Variants in SLC4A4 observed in about 807,000 individuals in gnomAD.
The protein encoded by SLC4A4 is solute carrier family 4 member 4.
SLC4A4 carries 27 observed loss-of-function variants against 111.5 expected under a neutral mutation model. The ratio of observed to expected loss-of-function variants is 0.24; its 90% CI spans 0.18 to 0.33. The LOEUF (loss-of-function observed/expected upper bound fraction) is 0.33, where lower values mean the gene tolerates loss of function less well. SLC4A4 is among the 10% of genes least tolerant of loss of function. SLC4A4 has a pLI of 1.00. For synonymous variants in SLC4A4, 443 were observed against 463.4 expected, an observed-to-expected ratio of 0.96 and a Z score of 0.57; for missense variants, 909 against 1,315.5, an observed-to-expected ratio of 0.69 and a Z score of 4.78.
At chr4:71,308,257 T>C (rs916197809) in intron 3 of SLC4A4, among the ~76,000 whole-genome samples, 2 of 152,308 alleles carry the variant, frequency 1.3e-5, no homozygotes, top group Admixed American at 1.3e-4. Flanking sequence ...GGGCTCAATA[T>C]ACATAGTAGT....
upstream of SLC4A4, among the ~76,000 whole-genome samples, chr4:71,185,109 A>G (rs1745409198): frequency 1.3e-5 from 2 of 152,218 alleles, no homozygotes; most frequent in African/African-American, 4.8e-5. Context: ...TATTTAACTT[A>G]CGTGAAGGAA....
At chr4:71,424,143 A>C (rs1722844621) in intron 7 of SLC4A4, among the ~76,000 whole-genome samples, 1 of 152,122 alleles carries the variant, frequency 6.6e-6, no homozygotes, top group South Asian at 2.1e-4. Context: ...ACAAATTTAC[A>C]AGAAAAAACA....
rs1202182615 is a variant in SLC4A4, at chr4:71,214,647, C to CA, written c.-1-21922dup. ...GATTCAATAAGGCACATGATCTGAG[C>CA]AAAAAAAGAAAGTTGGTGAAATAAT... On this transcript the variant is annotated intron_variant, in intron 1 of 25. Coordinates refer to ENST00000264485, the MANE Select transcript of SLC4A4 (RefSeq NM_001098484.3). Among the ~76,000 whole-genome samples, 3 of 151,882 alleles carry CA rather than the reference C, an allele frequency of 2.0e-5. No homozygotes were observed. The East Asian group carries it at 5.8e-4, about 29-fold the overall frequency.
chr4:71,206,787 A>C (rs184093560), intron 1 of SLC4A4, among the ~76,000 whole-genome samples: 26 of 151,732 alleles, frequency 1.7e-4, no homozygotes, highest in Admixed American at 4.6e-4. Flanking sequence ...GATGAAATTC[A>C]CATTCATTTT....
At chr4:71,279,009 A>G (rs1158541566) in intron 3 of SLC4A4, among the ~76,000 whole-genome samples, 1 of 152,210 alleles carries the variant, frequency 6.6e-6, no homozygotes, top group Non-Finnish European at 1.5e-5. Flanking sequence ...ATTAATGTAT[A>G]TACCGTGAAA....
At chr4:71,473,144 T>C (rs1301533270) in intron 14 of SLC4A4, 174 bp downstream of exon 14, 1 of 761,964 alleles carries the variant, frequency 1.3e-6, no homozygotes, top group Admixed American at 2.0e-5. Context: ...ATTTTAGCTG[T>C]ATGATTCAAC....
chr4:71,416,567 A>G (rs1483495000), intron 7 of SLC4A4, among the ~76,000 whole-genome samples: 1 of 152,174 alleles, frequency 6.6e-6, no homozygotes, highest in Non-Finnish European at 1.5e-5. Flanking sequence ...TCAATTTCTT[A>G]TTGGGCAAAT....
At chr4:71,388,611 A>G (rs1718981144) in intron 6 of SLC4A4, among the ~76,000 whole-genome samples, 1 of 152,136 alleles carries the variant, frequency 6.6e-6, no homozygotes, top group Non-Finnish European at 1.5e-5. Context: ...TGATGTGACC[A>G]TAGCCAACTG....
chr4:71,428,976 G>C (rs1463386190), intron 7 of SLC4A4, among the ~76,000 whole-genome samples: 2 of 152,090 alleles, frequency 1.3e-5, no homozygotes, highest in African/African-American at 4.8e-5. Flanking sequence ...CAAATTGTGA[G>C]TATTCCTGGT....
chr4:71,367,994 G>C (rs372017619), intron 6 of SLC4A4, among the ~76,000 whole-genome samples: 1 of 152,162 alleles, frequency 6.6e-6, no homozygotes, highest in African/African-American at 2.4e-5. Flanking sequence ...ATTTGCTGTT[G>C]GTTGGATATG....
intron 15 of SLC4A4, among the ~76,000 whole-genome samples, chr4:71,494,612 T>C (rs1183636000): frequency 6.6e-6 from 1 of 152,036 alleles, no homozygotes; most frequent in East Asian, 1.9e-4. Context: ...ACCATGCCAG[T>C]ACTGTCTTGT....
At chr4:71,559,555 T>C (rs188404613) in intron 22 of SLC4A4, among the ~76,000 whole-genome samples, 260 of 152,012 alleles carry the variant, frequency 1.7e-3, no homozygotes, top group African/African-American at 5.8e-3. Context: ...GTCTGGGACA[T>C]GTTAAATATT....
intron 7 of SLC4A4, among the ~76,000 whole-genome samples, chr4:71,420,312 G>A (rs1722315993): frequency 6.6e-6 from 1 of 152,164 alleles, no homozygotes; most frequent in Non-Finnish European, 1.5e-5. Context: ...AACGAACAAA[G>A]CCTCCAAGAA....
intron 1 of SLC4A4, among the ~76,000 whole-genome samples, chr4:71,211,746 G>A (rs1433233549): frequency 2.0e-5 from 3 of 148,296 alleles, no homozygotes; most frequent in African/African-American, 5.0e-5. Context: ...AAACACATTA[G>A]TAATAGTGTC....
At chr4:71,235,401 A>G (rs1351917741) in intron 1 of SLC4A4, among the ~76,000 whole-genome samples, 2 of 152,248 alleles carry the variant, frequency 1.3e-5, no homozygotes, top group African/African-American at 2.4e-5. Context: ...CAGACCTACA[A>G]TATTCAATGC....
At chr4:71,440,476 GT>G (rs1724615171) in intron 7 of SLC4A4, 139 bp from the exon 8 acceptor site, 1 of 850,814 alleles carries the variant, frequency 1.2e-6, no homozygotes, top group East Asian at 2.5e-5. Context: ...GCTAGAACAT[GT>G]TGCATGTCAA....
chr4:71,464,505 A>G (rs1727136399), intron 12 of SLC4A4, among the ~76,000 whole-genome samples: 1 of 152,174 alleles, frequency 6.6e-6, no homozygotes, highest in Non-Finnish European at 1.5e-5. Flanking sequence ...GGTACCCTTC[A>G]GCCATGTGCT....
intron 7 of SLC4A4, among the ~76,000 whole-genome samples, chr4:71,422,772 T>C (rs905684560): frequency 2.6e-5 from 4 of 152,096 alleles, no homozygotes; most frequent in Non-Finnish European, 5.9e-5. Flanking sequence ...AAAAGGCCTT[T>C]GACAAAATTC....
At chr4:71,092,190 A>G (rs1471154381) in intron 1 of SLC4A4, among the ~76,000 whole-genome samples, 3 of 152,220 alleles carry the variant, frequency 2.0e-5, no homozygotes, top group African/African-American at 7.2e-5. Flanking sequence ...AGGAACTGGC[A>G]AACTGTTCAG....
Sources: allele counts gnomAD v4.1 joint callset (sites outside exome capture counted in the v4.1 genomes callset), GRCh38; gene constraint gnomAD v4.1.1; transcripts MANE v1.5; gene names NCBI Gene and HGNC (gene_info 2026-07-23, HGNC 2026-07-21).